Variants in VRK3 observed in about 807,000 individuals in gnomAD.
The protein encoded by VRK3 is VRK serine/threonine kinase 3.
Under a neutral mutation model 60.4 loss-of-function variants are expected in VRK3, and 50 were observed. That is an observed-to-expected ratio of 0.83 (90% confidence interval 0.66 to 1.05). The LOEUF is 1.05. Among genes scored for constraint, VRK3 ranks in the 50% least tolerant of loss-of-function variants. VRK3 has a pLI of 0.00. For synonymous variants in VRK3, 246 were observed against 227.8 expected (o/e 1.08, Z -0.72); for missense variants, 549 against 585.3 (o/e 0.94, Z 0.64).
intron 6 of VRK3, chr19:49,999,732 A>G (rs1297931999): frequency 2.6e-5 from 4 of 152,206 alleles, no homozygotes; most frequent in Non-Finnish European, 4.4e-5. Flanking sequence ...CCAACTCATC[A>G]TCACCAAGTT....
Position 49,992,958 on chromosome 19 carries a change from G to A in VRK3, c.871-6C>T, listed in dbSNP as rs765156633. 2.2e-5 allele frequency: 35 copies of A among 1,610,462 alleles called. No individual in the cohort carries two copies. Among genetic ancestry groups the A allele is most frequent in the Middle Eastern group, 3.3e-4 (2 of 6,040 alleles). ...AGGAACTCCAGGGCATCCAGCTGGG[G>A]GAAGAAGCAAGTCAGTGTCTGCATG... is the stretch of plus-strand genomic sequence containing the variant. On this transcript the variant is annotated splice_polypyrimidine_tract_variant and splice_region_variant and intron_variant, in intron 9 of 14. Transcript: ENST00000316763.
rs1600681146 is a variant in VRK3, at chr19:49,996,372, T to C, written c.680-1097A>G. ...GCGCCCGACTGCATTTGCTAATTTCTGCAGTGTAAATAAATACTCCTGCTA... is the reference window on the plus strand; with the variant it reads ...GCGCCCGACTGCATTTGCTAATTTCCGCAGTGTAAATAAATACTCCTGCTA... On this transcript the variant is annotated intron_variant, in intron 7 of 14. Coordinates refer to ENST00000316763, the MANE Select transcript of VRK3 (RefSeq NM_016440.4). 2.0e-5 allele frequency among the ~76,000 whole-genome samples: 3 copies of C among 151,942 alleles called. No homozygotes were observed. In the East Asian group the frequency reaches 5.8e-4, roughly 30 times the overall value.
At chr19:50,006,541 A>G (rs956232715) in intron 5 of VRK3, among the ~76,000 whole-genome samples, 2 of 151,720 alleles carry the variant, frequency 1.3e-5, no homozygotes, top group Admixed American at 6.6e-5. Context: ...ACACCCGGCT[A>G]ATTTTTTGTA....
intron 7 of VRK3, 72 bp downstream of exon 7, chr19:49,997,432 A>G: frequency 6.5e-6 from 10 of 1,537,532 alleles, no homozygotes; most frequent in Non-Finnish European, 8.9e-6. Flanking sequence ...GCCTGCAGGT[A>G]GAAGTCAAGT....
chr19:50,021,703 C>T (rs1166947512), intron 1 of VRK3, among the ~76,000 whole-genome samples: 2 of 152,214 alleles, frequency 1.3e-5, no homozygotes, highest in African/African-American at 4.8e-5. Context: ...AATGGTGGTT[C>T]TACACCAGTG....
chr19:49,989,877 T>C, intron 10 of VRK3, 106 bp from the exon 11 acceptor site: 1 of 1,323,898 alleles, frequency 7.6e-7, no homozygotes, highest in Non-Finnish European at 1.0e-6. Context: ...AAAGATGGCA[T>C]TTTTCACTTA....
At chr19:49,990,261 A>G (rs963902117) in intron 10 of VRK3, among the ~76,000 whole-genome samples, 11 of 152,208 alleles carry the variant, frequency 7.2e-5, no homozygotes, top group East Asian at 3.8e-4. Flanking sequence ...TGATTTCTCC[A>G]TTTGTAAAAT....
chr19:50,023,278 C>T (rs1000165731), intron 1 of VRK3, among the ~76,000 whole-genome samples: 3 of 152,172 alleles, frequency 2.0e-5, no homozygotes, highest in Non-Finnish European at 2.9e-5. Flanking sequence ...CTCTGCCTCC[C>T]GAGTTCAAGT....
rs2077254343 is a variant in VRK3 at position 50,025,334 on chromosome 19, A to ACCCGGACTCACCTTCTCAGTTG, written c.-154_-133dup. On this transcript the variant is annotated 5_prime_UTR_variant, in exon 1 of 15. Coordinates refer to ENST00000316763, the MANE Select transcript of VRK3 (RefSeq NM_016440.4). ...CCTGACCCTCGGATCCTCCGCAGTT[A>ACCCGGACTCACCTTCTCAGTTG]CCCGGACTCACCTTCTCAGTTGCCC... 18 of 152,364 alleles carry ACCCGGACTCACCTTCTCAGTTG rather than the reference A, an allele frequency of 1.2e-4. No homozygotes were observed. In the South Asian group the frequency reaches 2.5e-3, roughly 21 times the overall value. The allele number at this position is 152,364 out of a possible 1,614,324, so 9.4% of individuals were successfully genotyped here. A position where few individuals can be genotyped will look rare whatever the true frequency, so the allele number is the denominator to read the frequency against.
intron 12 of VRK3, chr19:49,986,166 C>T (rs1182715777): frequency 6.6e-6 from 1 of 152,234 alleles, no homozygotes; most frequent in Admixed American, 6.5e-5. Flanking sequence ...TACCCAAGAA[C>T]ATCATAGAGT....
At position 49,978,311 on chromosome 19, in the gene VRK3, C is replaced by T. The variant is rs562231811; in HGVS notation, c.*11+772G>A. ...ACTCCGATGAGAGAAATGACTACTC[C>T]GGGGAGAGAAAAGGAGCCTGGAGAA... On this transcript the variant is annotated intron_variant, in intron 14 of 14. Coordinates refer to ENST00000316763, the MANE Select transcript of VRK3 (RefSeq NM_016440.4). Among the ~76,000 whole-genome samples the T allele has an allele frequency of 7.3e-4, 111 of 152,240 alleles. 1 individual carries two copies. The highest frequency in any genetic ancestry group is 3.7e-3 in the South Asian group (18 of 4,826).
At chr19:50,023,698 C>T (rs1216355501) in intron 1 of VRK3, among the ~76,000 whole-genome samples, 1 of 151,512 alleles carries the variant, frequency 6.6e-6, no homozygotes, top group Non-Finnish European at 1.5e-5. Context: ...GTGAATAAAT[C>T]ATTGTCTCCT....
rs11879620 is a variant in VRK3, at chr19:50,000,840, T to A, written c.562A>T (p.Thr188Ser). 13 of 1,613,522 alleles carry A rather than the reference T, an allele frequency of 8.1e-6. No individual in the cohort carries two copies. The African/African-American group carries it at 1.6e-4, about 20-fold the overall frequency. Residue 188 changes from threonine (T) to serine (S), a missense_variant, in exon 6 of 15, where the codon ACC (threonine) becomes TCC (serine). Transcript: ENST00000316763. ...TGTGGTCCTGAGTCACAGGTGAGGG[T>A]GGAGGTGGGTGCAGCTGTGGGGGAA... is the stretch of plus-strand genomic sequence containing the variant. Reference protein sequence around the residue: ...GILYEAAPTSTLTCDSGPQKQ... With the variant: ...GILYEAAPTSSLTCDSGPQKQ...
At chr19:50,014,143 T>C (rs1226523145) in intron 3 of VRK3, among the ~76,000 whole-genome samples, 2 of 152,112 alleles carry the variant, frequency 1.3e-5, no homozygotes, top group East Asian at 1.9e-4. Flanking sequence ...GGTACATACC[T>C]GTAATCCCAA....
intron 10 of VRK3, among the ~76,000 whole-genome samples, chr19:49,990,989 T>C (rs1299001016): frequency 6.6e-6 from 1 of 152,058 alleles, no homozygotes; most frequent in African/African-American, 2.4e-5. Flanking sequence ...AGGTTCCCTA[T>C]GTTTCCCAGG....
At chr19:49,986,164 A>G (rs2076512103) in intron 12 of VRK3, 1 of 152,262 alleles carries the variant, frequency 6.6e-6, no homozygotes, top group South Asian at 2.1e-4. Flanking sequence ...CATACCCAAG[A>G]ACATCATAGA....
Position 50,007,769 on chromosome 19 carries a change from G to A in VRK3, c.347C>T (p.Pro116Leu), listed in dbSNP as rs768979731. The change falls in exon 5 of 15, where the codon CCT becomes CTT. Residue 116 changes from proline (P) to leucine (L), a missense_variant. Transcript: ENST00000316763. Reference protein sequence around the residue: ...KSSPQKTRKSPQVTRGSPQKT... With the variant: ...KSSPQKTRKSLQVTRGSPQKT... ...CTGAGGGCTACCCCTGGTCACCTGA[G>A]GGCTCTTCCTGGTCTTCTGAGGGCT... 12 of 1,614,076 alleles carry A rather than the reference G, an allele frequency of 7.4e-6. No homozygotes were observed. The South Asian group carries it at 1.2e-4, about 16-fold the overall frequency.
At chr19:50,017,447 G>A (rs1454251272) in intron 2 of VRK3, among the ~76,000 whole-genome samples, 7 of 146,756 alleles carry the variant, frequency 4.8e-5, no homozygotes, top group African/African-American at 7.5e-5. Flanking sequence ...GGTGGTGCAC[G>A]CCTGTAATCC....
intron 11 of VRK3, 69 bp from the exon 12 acceptor site, chr19:49,988,561 T>G: frequency 6.4e-7 from 1 of 1,559,012 alleles, no homozygotes; most frequent in South Asian, 1.2e-5. Context: ...TCCACCCCCC[T>G]TCCTTCCCCT....
Sources: allele counts gnomAD v4.1 joint callset (sites outside exome capture counted in the v4.1 genomes callset), GRCh38; gene constraint gnomAD v4.1.1; transcripts MANE v1.5; gene names NCBI Gene and HGNC (gene_info 2026-07-23, HGNC 2026-07-21).